The following NSRP1 variants were observed in gnomAD, a reference collection of about 807,000 sequenced individuals.
The protein encoded by NSRP1 is coiled-coil domain containing 55.
Under a neutral mutation model 54.7 loss-of-function variants are expected in NSRP1, and 24 were observed. The ratio of observed to expected loss-of-function variants is 0.44; its 90% CI spans 0.32 to 0.62. NSRP1 has a LOEUF of 0.62. NSRP1 is among the 20% of genes least tolerant of loss of function. The probability of loss-of-function intolerance (pLI) is 0.06; values close to 1 mark genes in which losing one functional copy is unlikely to be tolerated. For missense variants in NSRP1, 596 were observed against 651.2 expected (o/e 0.92, Z 0.92); for synonymous variants, 210 against 213.8 (o/e 0.98, Z 0.15).
chr17:30,123,170 GCTC>G, intron 2 of NSRP1, among the ~76,000 whole-genome samples: 1 of 152,174 alleles, frequency 6.6e-6, no homozygotes, highest in Admixed American at 6.5e-5. Flanking sequence ...CACGAACTTG[GCTC>G]ACTACAACCT....
At position 30,120,815 on chromosome 17, in the gene NSRP1, G is replaced by C. The variant is rs191461368; in HGVS notation, c.114+2642G>C. 3.3e-4 allele frequency among the ~76,000 whole-genome samples: 51 copies of C among 152,306 alleles called. No individual in the cohort carries two copies. The East Asian group carries it at 9.5e-3, about 28-fold the overall frequency. ...TGTCAAGATTGGGATTTGAACACAG[G>C]CCTATCTGACCTTCAAACCTATACT... On this transcript the variant is annotated intron_variant, in intron 2 of 6. Coordinates refer to ENST00000247026, the MANE Select transcript of NSRP1 (RefSeq NM_032141.4).
chr17:30,145,558 G>A (rs2071847001), intron 2 of NSRP1, among the ~76,000 whole-genome samples: 1 of 152,092 alleles, frequency 6.6e-6, no homozygotes, highest in African/African-American at 2.4e-5. Context: ...ACTCCATCCT[G>A]GCAACAGAGC....
chr17:30,134,837 A>G (rs572792817), intron 2 of NSRP1, among the ~76,000 whole-genome samples: 10 of 152,198 alleles, frequency 6.6e-5, no homozygotes, highest in Admixed American at 3.3e-4. Context: ...CAAAGGGTCA[A>G]TCTTGTTTAT....
At chr17:30,143,662 C>A (rs2071826242) in intron 2 of NSRP1, among the ~76,000 whole-genome samples, 1 of 152,100 alleles carries the variant, frequency 6.6e-6, no homozygotes, top group Admixed American at 6.5e-5. Context: ...CTAACTGAAA[C>A]AAACTTACGG....
At chr17:30,127,893 TG>T (rs1317384443) in intron 2 of NSRP1, 1 of 398,086 alleles carries the variant, frequency 2.5e-6, no homozygotes, top group Non-Finnish European at 4.4e-6. Flanking sequence ...GAGTGCAATT[TG>T]TGCAGTCACA....
chr17:30,149,826 C>T (rs941583542), intron 2 of NSRP1, among the ~76,000 whole-genome samples: 1 of 135,764 alleles, frequency 7.4e-6, no homozygotes, highest in African/African-American at 3.0e-5. Flanking sequence ...CAGAGCAAGA[C>T]CCTGTCTCAA....
chr17:30,177,847 C>A, intron 3 of NSRP1: 1 of 580,036 alleles, frequency 1.7e-6, no homozygotes, highest in Non-Finnish European at 3.1e-6. Context: ...AATTAAGGTA[C>A]CAAAAGATTA....
intron 2 of NSRP1, among the ~76,000 whole-genome samples, chr17:30,163,679 CTTTTTTTTTTTT>C (rs370423700): frequency 1.1e-5 from 1 of 90,878 alleles, no homozygotes; most frequent in Non-Finnish European, 2.0e-5. Context: ...ACTTTGACCA[CTTTTTTTTTTTT>C]TTTTTTTTTT....
chr17:30,173,507 G>A (rs574584724), intron 3 of NSRP1, among the ~76,000 whole-genome samples: 1 of 152,018 alleles, frequency 6.6e-6, no homozygotes, highest in South Asian at 2.1e-4. Context: ...AAACAATAGC[G>A]AGGTGCCTTT....
chr17:30,171,972 A>ACACACACT (rs1169988659), intron 2 of NSRP1, among the ~76,000 whole-genome samples: 8 of 46,574 alleles, frequency 1.7e-4, no homozygotes, highest in East Asian at 6.6e-4. Context: ...ACACACACAC[A>ACACACACT]CTCCCTCTCT....
intron 2 of NSRP1, among the ~76,000 whole-genome samples, chr17:30,162,434 A>G (rs919369109): frequency 2.7e-4 from 41 of 152,348 alleles, no homozygotes; most frequent in Middle Eastern, 3.4e-3. Flanking sequence ...TAAACTTTGT[A>G]CTTACAAGAG....
chr17:30,129,921 A>G (rs1263780210), intron 2 of NSRP1, among the ~76,000 whole-genome samples: 1 of 152,204 alleles, frequency 6.6e-6, no homozygotes, highest in Non-Finnish European at 1.5e-5. Context: ...TACCGAGTAT[A>G]TCAAACAGTG....
Position 30,160,699 on chromosome 17 carries a change from G to A in NSRP1, c.115-11843G>A, listed in dbSNP as rs115487644. ...TTGGTTGGTCTAGAAACATAATTTT[G>A]TAAAATGGTTTTCTTGTTAAACACT... On this transcript the variant is annotated intron_variant, in intron 2 of 6. Coordinates refer to ENST00000247026, the MANE Select transcript of NSRP1 (RefSeq NM_032141.4). Among the ~76,000 whole-genome samples the A allele has an allele frequency of 4.0e-3, 615 of 152,194 alleles. 4 individuals are homozygous for A. Among genetic ancestry groups the A allele is most frequent in the African/African-American group, 0.014 (566 of 41,534 alleles).
chr17:30,169,136 A>G (rs1355969969), intron 2 of NSRP1, among the ~76,000 whole-genome samples: 1 of 152,102 alleles, frequency 6.6e-6, no homozygotes, highest in Non-Finnish European at 1.5e-5. Context: ...GATATAGTCT[A>G]CATTGGAAAG....
rs541941593 is a variant in NSRP1 at position 30,157,655 on chromosome 17, T to G, written c.115-14887T>G. 5.9e-5 allele frequency among the ~76,000 whole-genome samples: 9 copies of G among 152,196 alleles called. No individual in the cohort carries two copies. The East Asian group carries it at 1.7e-3, about 29-fold the overall frequency. ...TATAGTCTTTGTCTCTCTCCCCTCT[T>G]TATCCCCTCTCCTCCTCCCCTTCCC... is the stretch of plus-strand genomic sequence containing the variant. On this transcript the variant is annotated intron_variant, in intron 2 of 6. Coordinates refer to ENST00000247026, the MANE Select transcript of NSRP1 (RefSeq NM_032141.4).
chr17:30,180,892 G>C lies in NSRP1; in HGVS notation c.509-16G>C. On this transcript the variant is annotated splice_polypyrimidine_tract_variant and intron_variant, in intron 5 of 6. Coordinates refer to ENST00000247026, the MANE Select transcript of NSRP1 (RefSeq NM_032141.4). Reference sequence around the variant, plus strand: ...CCTTATTGAATATATTCTAATTTTTGCTTTCCCTCTGTTAGCATGTTTGGA... The same window carrying C: ...CCTTATTGAATATATTCTAATTTTTCCTTTCCCTCTGTTAGCATGTTTGGA... 6 of 1,501,408 alleles carry C rather than the reference G, an allele frequency of 4.0e-6. No homozygotes were observed. Among genetic ancestry groups the C allele is most frequent in the Non-Finnish European group, 5.6e-6 (6 of 1,079,050 alleles). The allele number at this position is 1,501,408 out of a possible 1,614,324, so 93.0% of individuals were successfully genotyped here.
intron 2 of NSRP1, among the ~76,000 whole-genome samples, chr17:30,155,247 C>T (rs981894831): frequency 6.6e-6 from 1 of 151,952 alleles, no homozygotes; most frequent in Non-Finnish European, 1.5e-5. Context: ...GATGACATTC[C>T]GATTGTACCC....
intron 2 of NSRP1, among the ~76,000 whole-genome samples, chr17:30,170,797 A>G (rs1251467684): frequency 6.6e-6 from 1 of 152,212 alleles, no homozygotes; most frequent in Non-Finnish European, 1.5e-5. Flanking sequence ...CTATATGCCA[A>G]GAGGGATTGC....
chr17:30,148,803 A>AGGTTTCACT (rs1283123554), intron 2 of NSRP1, among the ~76,000 whole-genome samples: 7 of 152,164 alleles, frequency 4.6e-5, no homozygotes, highest in Non-Finnish European at 8.8e-5. Context: ...TTTCAGATTT[A>AGGTTTCACT]ATTGTTCACG....
Sources: gnomAD v4.1 joint callset for allele counts (sites outside exome capture counted in the v4.1 genomes callset) on GRCh38, gnomAD v4.1.1 for gene constraint, MANE v1.5 for transcripts, NCBI Gene and HGNC (gene_info 2026-07-23, HGNC 2026-07-21) for gene names.